Variants in NEK1 observed in about 807,000 individuals in gnomAD.
NEK1 encodes serine/threonine-protein kinase Nek1.
A neutral mutation model predicts 182.1 loss-of-function variants in NEK1; 137 were observed. The ratio of observed to expected loss-of-function variants is 0.75; its 90% CI spans 0.65 to 0.87. The LOEUF (loss-of-function observed/expected upper bound fraction) is 0.87, where lower values mean the gene tolerates loss of function less well. NEK1 is among the 40% of genes least tolerant of loss of function. The probability of loss-of-function intolerance (pLI) is 0.00; values close to 1 mark genes in which losing one functional copy is unlikely to be tolerated. For synonymous variants in NEK1, 513 were observed against 492.2 expected (o/e 1.04, Z -0.56); for missense variants, 1,391 against 1,494.4 (o/e 0.93, Z 1.14).
intron 27 of NEK1, among the ~76,000 whole-genome samples, chr4:169,451,465 A>C (rs1361198806): frequency 2.0e-5 from 3 of 152,212 alleles, no homozygotes; most frequent in Non-Finnish European, 4.4e-5. Context: ...TCAAATTAGA[A>C]CTCAGGATTA....
At chr4:169,439,923 T>C (rs1374613415) in intron 27 of NEK1, among the ~76,000 whole-genome samples, 1 of 148,452 alleles carries the variant, frequency 6.7e-6, no homozygotes, top group African/African-American at 2.5e-5. Flanking sequence ...CTCAGCTCAC[T>C]GCAACCTCCA....
At chr4:169,506,428 A>G (rs2149687551) in intron 23 of NEK1, among the ~76,000 whole-genome samples, 1 of 152,278 alleles carries the variant, frequency 6.6e-6, no homozygotes, top group East Asian at 1.9e-4. Flanking sequence ...GGATTTTGAT[A>G]AGCTACTTGG....
At chr4:169,508,639 A>G in intron 20 of NEK1, 130 bp downstream of exon 20, 1 of 619,942 alleles carries the variant, frequency 1.6e-6, no homozygotes, top group South Asian at 3.3e-5. Flanking sequence ...AGTCAAAAAT[A>G]TATTAACAGG....
intron 18 of NEK1, among the ~76,000 whole-genome samples, chr4:169,542,536 C>T (rs977071923): frequency 6.6e-6 from 1 of 152,188 alleles, no homozygotes; most frequent in Non-Finnish European, 1.5e-5. Flanking sequence ...ATTGCTGGGT[C>T]AAATGGCATT....
intron 3 of NEK1, 111 bp downstream of exon 3, chr4:169,602,402 CT>C: frequency 1.5e-6 from 1 of 671,154 alleles, no homozygotes; most frequent in Non-Finnish European, 2.6e-6. Context: ...ATAAAGGAGT[CT>C]TTTGCTTTAG....
chr4:169,464,464 C>T (rs1744560750), intron 26 of NEK1, among the ~76,000 whole-genome samples: 1 of 151,960 alleles, frequency 6.6e-6, no homozygotes, highest in South Asian at 2.1e-4. Flanking sequence ...TCTTTTTGTC[C>T]TTGGGGATGC....
rs370713361 is a variant in NEK1 at position 169,424,640 on chromosome 4, A to G, written c.3135T>C (p.Ser1045=). The change falls in exon 31 of 36, where the codon TCT becomes TCC. Residue 1045 remains serine, a synonymous_variant. Coordinates refer to ENST00000507142, the MANE Select transcript of NEK1 (RefSeq NM_001199397.3). The part of the protein sequence containing the change: ...CSPEESFAFR[S]HSHLPPKNKN... The stretch of plus-strand genomic sequence containing the variant: ...TATTTTTTGGTGGTAAATGCGAGTG[A>G]GATCGAAATGCAAAGGATTCTTCTG... 7.3e-5 allele frequency: 117 copies of G among 1,613,636 alleles called. No homozygotes were observed. Among genetic ancestry groups the G allele is most frequent in the Middle Eastern group, 1.6e-4 (1 of 6,076 alleles).
intron 19 of NEK1, among the ~76,000 whole-genome samples, chr4:169,527,293 G>T (rs1046876055): frequency 2.6e-5 from 4 of 152,110 alleles, no homozygotes; most frequent in African/African-American, 9.7e-5. Flanking sequence ...CAGCAGACCT[G>T]ATCTCTAAGA....
intron 18 of NEK1, among the ~76,000 whole-genome samples, chr4:169,551,440 A>T (rs900657502): frequency 6.6e-6 from 1 of 152,220 alleles, no homozygotes; most frequent in African/African-American, 2.4e-5. Flanking sequence ...AAAATGTTCA[A>T]AAAGGTGAAG....
Position 169,585,424 on chromosome 4 carries a change from C to T in NEK1, c.732G>A (p.Arg244=), listed in dbSNP as rs915817615. The change falls in exon 10 of 36, where the codon AGG becomes AGA. Residue 244 remains arginine, a synonymous_variant. Transcript: ENST00000507142. The part of the protein sequence containing the change: ...LVSQLFKRNP[R]DRPSVNSILE... ...ATATGGAGTTGACTGATGGTCTATC[C>T]CTAGGATTTCTTTTAAATAACTGAG... The T allele has an allele frequency of 1.9e-6, 3 of 1,613,362 alleles. No individual in the cohort carries two copies. In the Admixed American group the frequency reaches 5.0e-5, roughly 27 times the overall value.
Position 169,562,193 on chromosome 4 carries a change from G to T in NEK1, c.1024C>A (p.His342Asn). 1 of 1,533,796 alleles carries T rather than the reference G, an allele frequency of 6.5e-7. No individual in the cohort carries two copies. The highest frequency in any genetic ancestry group is 2.4e-5 in the East Asian group (1 of 40,986). ...KKPLQKHKQA[H>N]QTPEKRVNTG... ...TTCACTCTCTTCTCTGGAGTTTGAT[G>T]GGCCTGGACAAAAAGTAAAACTACA... is the stretch of plus-strand genomic sequence containing the variant. Residue 342 changes from histidine to asparagine, a missense_variant, in exon 13 of 36, where the codon CAT (histidine) becomes AAT (asparagine). By Grantham distance (68) the His-to-Asn change is moderately conservative. Transcript: ENST00000507142.
At chr4:169,580,636 T>C (rs72974750) in intron 11 of NEK1, among the ~76,000 whole-genome samples, 1 of 152,148 alleles carries the variant, frequency 6.6e-6, no homozygotes, top group African/African-American at 2.4e-5. Context: ...AGATTTCATT[T>C]AAATAAAATG....
At chr4:169,497,595 G>T (rs1381069768) in intron 23 of NEK1, among the ~76,000 whole-genome samples, 2 of 152,130 alleles carry the variant, frequency 1.3e-5, no homozygotes, top group Non-Finnish European at 2.9e-5. Context: ...AGAGATTCTG[G>T]TATGTTGTGT....
At chr4:169,577,686 G>A (rs1230424426) in intron 11 of NEK1, among the ~76,000 whole-genome samples, 1 of 151,992 alleles carries the variant, frequency 6.6e-6, no homozygotes, top group East Asian at 1.9e-4. Context: ...CCCAGGAGGT[G>A]GAGCTTGCAG....
intron 12 of NEK1, among the ~76,000 whole-genome samples, chr4:169,568,627 C>T (rs1354916832): frequency 6.6e-6 from 1 of 151,988 alleles, no homozygotes; most frequent in Non-Finnish European, 1.5e-5. Context: ...AAAATACGGG[C>T]AATATATATT....
chr4:169,433,103 A>T (rs1737739065), intron 29 of NEK1, among the ~76,000 whole-genome samples: 1 of 152,084 alleles, frequency 6.6e-6, no homozygotes, highest in Non-Finnish European at 1.5e-5. Context: ...TCTGTAGCCC[A>T]GGCTGGAGTG....
chr4:169,540,093 C>T (rs530052738), intron 18 of NEK1, among the ~76,000 whole-genome samples: 30 of 152,240 alleles, frequency 2.0e-4, no homozygotes, highest in Non-Finnish European at 2.9e-4. Flanking sequence ...CTGCTTCCTA[C>T]GCTGGCTTAA....
chr4:169,425,171 C>CA lies in NEK1; in HGVS notation c.2975-372dup, dbSNP rs370114190. On this transcript the variant is annotated intron_variant, in intron 30 of 35. Coordinates refer to ENST00000507142, the MANE Select transcript of NEK1 (RefSeq NM_001199397.3). ...GCAACTAAGTGAGACTCTCTCTCCA[C>CA]AAAAAATAAAATAAAATTAGCCAAG... is the stretch of plus-strand genomic sequence containing the variant. 1.9e-3 allele frequency among the ~76,000 whole-genome samples: 275 copies of CA among 148,266 alleles called. 3 individuals carry two copies. Among genetic ancestry groups the CA allele is most frequent in the African/African-American group, 6.8e-3 (262 of 38,312 alleles).
intron 19 of NEK1, among the ~76,000 whole-genome samples, chr4:169,525,633 A>G (rs1020752317): frequency 6.6e-6 from 1 of 152,148 alleles, no homozygotes; most frequent in African/African-American, 2.4e-5. Flanking sequence ...AGCCACACTA[A>G]TTTGTTTAGC....
Sources: gnomAD v4.1 joint callset for allele counts (sites outside exome capture counted in the v4.1 genomes callset) on GRCh38, gnomAD v4.1.1 for gene constraint, MANE v1.5 for transcripts, NCBI Gene and HGNC (gene_info 2026-07-23, HGNC 2026-07-21) for gene names.